EFNA5: variants seen among roughly 807,000 people sequenced by gnomAD.
EFNA5 encodes ephrin-A5.
EFNA5 carries 5 observed loss-of-function variants against 22.9 expected under a neutral mutation model. That is an observed-to-expected ratio of 0.22 (90% CI 0.11 to 0.46). EFNA5 has a LOEUF of 0.46. Ranked by LOEUF, EFNA5 falls within the 20% of genes least tolerant of loss-of-function variation. The pLI, the probability that EFNA5 is intolerant of heterozygous loss-of-function variation, is 0.99. For missense variants in EFNA5, 237 were observed against 293.3 expected, an observed-to-expected ratio of 0.81 and a Z score of 1.40; for synonymous variants, 113 against 112.2, an observed-to-expected ratio of 1.01 and a Z score of -0.04.
chr5:107,596,443 T>A (rs1448681802), intron 1 of EFNA5, among the ~76,000 whole-genome samples: 1 of 152,160 alleles, frequency 6.6e-6, no homozygotes, highest in East Asian at 1.9e-4. Context: ...ATGACAGGAT[T>A]TCTTTTTAAA....
At chr5:107,591,944 T>A (rs7446980) in intron 1 of EFNA5, among the ~76,000 whole-genome samples, 2 of 13,172 alleles carry the variant, frequency 1.5e-4, no homozygotes, top group African/African-American at 5.0e-4. Flanking sequence ...ATATATATAT[T>A]ATATATAATA....
chr5:107,404,663 G>A (rs757916625), intron 2 of EFNA5, among the ~76,000 whole-genome samples: 15 of 152,082 alleles, frequency 9.9e-5, no homozygotes, highest in South Asian at 2.1e-4. Flanking sequence ...AGGGTGGAAC[G>A]GATATTCAAT....
chr5:107,532,224 C>T (rs548431361), intron 1 of EFNA5, among the ~76,000 whole-genome samples: 105 of 152,266 alleles, frequency 6.9e-4, no homozygotes, highest in African/African-American at 1.7e-3. Context: ...GGCGTGTGAA[C>T]GCTGCATGAG....
intron 1 of EFNA5, among the ~76,000 whole-genome samples, chr5:107,520,990 A>T (rs889040343): frequency 6.6e-6 from 1 of 152,210 alleles, no homozygotes; most frequent in African/African-American, 2.4e-5. Flanking sequence ...TAATTATAAG[A>T]TAAATGTAAT....
At chr5:107,585,804 A>G (rs1306793327) in intron 1 of EFNA5, among the ~76,000 whole-genome samples, 2 of 152,222 alleles carry the variant, frequency 1.3e-5, no homozygotes, top group Non-Finnish European at 2.9e-5. Context: ...AATGTTTCAG[A>G]ACTGTGGTTA....
At chr5:107,647,014 A>C (rs1750643649) in intron 1 of EFNA5, among the ~76,000 whole-genome samples, 1 of 152,182 alleles carries the variant, frequency 6.6e-6, no homozygotes, top group South Asian at 2.1e-4. Context: ...CATATCAAAG[A>C]CAATTATGAA....
intron 1 of EFNA5, among the ~76,000 whole-genome samples, chr5:107,480,484 C>T (rs1410770524): frequency 2.0e-5 from 3 of 152,154 alleles, no homozygotes; most frequent in African/African-American, 7.2e-5. Context: ...AGTTCAAGTT[C>T]CTAAAAATGT....
intron 1 of EFNA5, among the ~76,000 whole-genome samples, chr5:107,581,009 A>G (rs1749062106): frequency 6.6e-6 from 1 of 152,304 alleles, no homozygotes; most frequent in Non-Finnish European, 1.5e-5. Context: ...TTTGGATGAA[A>G]CTGGAAGAAG....
At chr5:107,631,126 T>A (rs1254124528) in intron 1 of EFNA5, among the ~76,000 whole-genome samples, 1 of 152,102 alleles carries the variant, frequency 6.6e-6, no homozygotes, top group Admixed American at 6.6e-5. Flanking sequence ...TCAAAAATAA[T>A]GATAAGAAGT....
chr5:107,592,843 C>T (rs3852200), intron 1 of EFNA5, among the ~76,000 whole-genome samples: 7,217 of 152,116 alleles, frequency 0.047, 568 homozygotes, highest in African/African-American at 0.16. Context: ...AATGACAAGC[C>T]GGAGAGCCCA....
chr5:107,387,842 T>C (rs1046246244), intron 2 of EFNA5, 71 bp from the exon 3 acceptor site: 3 of 1,061,334 alleles, frequency 2.8e-6, no homozygotes, highest in Non-Finnish European at 4.2e-6. Context: ...CATTTTCACA[T>C]ACAAATGATG....
chr5:107,491,691 T>C (rs1214736985), intron 1 of EFNA5, among the ~76,000 whole-genome samples: 1 of 152,222 alleles, frequency 6.6e-6, no homozygotes, highest in East Asian at 1.9e-4. Context: ...ACAAAATCTA[T>C]GTGCAAAGAT....
chr5:107,590,266 C>T (rs1749289815), intron 1 of EFNA5, among the ~76,000 whole-genome samples: 1 of 152,176 alleles, frequency 6.6e-6, no homozygotes, highest in Non-Finnish European at 1.5e-5. Flanking sequence ...ATTCTAAACT[C>T]TACCTTCCAA....
intron 1 of EFNA5, among the ~76,000 whole-genome samples, chr5:107,558,051 T>C (rs1248046587): frequency 6.6e-6 from 1 of 152,170 alleles, no homozygotes; most frequent in African/African-American, 2.4e-5. Flanking sequence ...ACATGGTATA[T>C]ATAAATGCTT....
At chr5:107,395,442 T>G (rs1349849919) in intron 2 of EFNA5, among the ~76,000 whole-genome samples, 1 of 152,170 alleles carries the variant, frequency 6.6e-6, no homozygotes, top group Non-Finnish European at 1.5e-5. Flanking sequence ...GGAAATCTAG[T>G]CCTCACAGGC....
chr5:107,652,100 A>C (rs1483512851), intron 1 of EFNA5, among the ~76,000 whole-genome samples: 1 of 152,180 alleles, frequency 6.6e-6, no homozygotes, highest in Admixed American at 6.5e-5. Flanking sequence ...AGTCTTTAAA[A>C]AGTCAAAAAC....
At chr5:107,470,921 T>C (rs545194294) in intron 1 of EFNA5, among the ~76,000 whole-genome samples, 23 of 152,188 alleles carry the variant, frequency 1.5e-4, no homozygotes, top group Non-Finnish European at 2.8e-4. Context: ...CTTTTTTATC[T>C]CTTTTCTTCA....
intron 1 of EFNA5, among the ~76,000 whole-genome samples, chr5:107,435,814 C>T (rs558347498): frequency 2.3e-4 from 35 of 152,290 alleles, no homozygotes; most frequent in Admixed American, 1.4e-3. Flanking sequence ...TGTGTTTATA[C>T]ATTAATGAAA....
intron 4 of EFNA5, among the ~76,000 whole-genome samples, chr5:107,385,872 G>A (rs1580415259): frequency 6.6e-6 from 1 of 152,050 alleles, no homozygotes; most frequent in African/African-American, 2.4e-5. Flanking sequence ...TGATCCCTGG[G>A]GAGCCACTAA....
Sources: gnomAD v4.1 joint callset for allele counts (sites outside exome capture counted in the v4.1 genomes callset) on GRCh38, gnomAD v4.1.1 for gene constraint, MANE v1.5 for transcripts, NCBI Gene and HGNC (gene_info 2026-07-23, HGNC 2026-07-21) for gene names.